PTPRT: variants seen among roughly 807,000 people sequenced by gnomAD.
PTPRT encodes receptor-type tyrosine-protein phosphatase T.
Under a neutral mutation model 176.8 loss-of-function variants are expected in PTPRT, and 56 were observed. The observed-to-expected ratio is 0.32, with a 90% CI of 0.26 to 0.40. The LOEUF (loss-of-function observed/expected upper bound fraction) is 0.40, where lower values mean the gene tolerates loss of function less well. PTPRT is among the 10% of genes least tolerant of loss of function. The pLI, the probability that PTPRT is intolerant of heterozygous loss-of-function variation, is 1.00. For synonymous variants in PTPRT, 783 were observed against 739.0 expected (o/e 1.06, Z -0.96); for missense variants, 1,540 against 1,908.2 (o/e 0.81, Z 3.60).
At chr20:42,348,713 T>C (rs915702479) in intron 11 of PTPRT, among the ~76,000 whole-genome samples, 28 of 152,188 alleles carry the variant, frequency 1.8e-4, no homozygotes, top group African/African-American at 6.8e-4. Context: ...TGCAGACCCA[T>C]CTTTTCAGGG....
intron 12 of PTPRT, among the ~76,000 whole-genome samples, chr20:42,313,787 C>T (rs946101824): frequency 2.0e-5 from 3 of 152,086 alleles, no homozygotes; most frequent in Non-Finnish European, 2.9e-5. Flanking sequence ...CTTCATGCAG[C>T]GGGAAGACCA....
At chr20:42,342,077 T>C (rs1407147927) in intron 11 of PTPRT, among the ~76,000 whole-genome samples, 1 of 152,200 alleles carries the variant, frequency 6.6e-6, no homozygotes, top group Non-Finnish European at 1.5e-5. Flanking sequence ...GTGTCACCTT[T>C]CTTCCCTTTT....
At chr20:42,725,400 A>C (rs2076364875) in intron 6 of PTPRT, among the ~76,000 whole-genome samples, 1 of 151,946 alleles carries the variant, frequency 6.6e-6, no homozygotes, top group Admixed American at 6.6e-5. Context: ...AGGCAGGGAG[A>C]TTTATCATCT....
intron 19 of PTPRT, among the ~76,000 whole-genome samples, chr20:42,127,392 G>C (rs139073502): frequency 5.9e-5 from 9 of 151,998 alleles, no homozygotes; most frequent in Admixed American, 2.0e-4. Context: ...CTGTCTGTCT[G>C]TCTCTCTCTC....
In PTPRT at chr20:43,019,052, T is replaced by C. The variant is rs151015567; in HGVS notation, c.89-133120A>G. ...CATTGTTTGAAAAAAAGCAAAATAT[T>C]TGAAATATCCTAAATGCCCTACAAT... On this transcript the variant is annotated intron_variant, in intron 1 of 30. Transcript: ENST00000373187. Among the ~76,000 whole-genome samples, 47 of 152,292 alleles carry C rather than the reference T, an allele frequency of 3.1e-4. No individual in the cohort carries two copies. In the East Asian group the frequency reaches 8.3e-3, roughly 27 times the overall value.
At chr20:42,366,549 C>A (rs1050959233) in intron 9 of PTPRT, among the ~76,000 whole-genome samples, 1 of 152,194 alleles carries the variant, frequency 6.6e-6, no homozygotes, top group Non-Finnish European at 1.5e-5. Context: ...CTTCTTCTGT[C>A]CCGTTCTTCT....
intron 7 of PTPRT, among the ~76,000 whole-genome samples, chr20:42,613,205 A>T (rs973332875): frequency 2.0e-5 from 3 of 152,218 alleles, no homozygotes; most frequent in Non-Finnish European, 4.4e-5. Context: ...TTACAGCCCA[A>T]TGGCTTTCTG....
intron 2 of PTPRT, among the ~76,000 whole-genome samples, chr20:42,857,756 C>T (rs1193777927): frequency 6.6e-6 from 1 of 152,218 alleles, no homozygotes; most frequent in African/African-American, 2.4e-5. Flanking sequence ...TACTTATTCA[C>T]AAACATGCTT....
At chr20:42,574,275 T>C (rs901846336) in intron 7 of PTPRT, among the ~76,000 whole-genome samples, 3 of 152,202 alleles carry the variant, frequency 2.0e-5, no homozygotes, top group Admixed American at 2.0e-4. Flanking sequence ...CTCTGCAGTT[T>C]GCACTATTTC....
Position 42,527,209 on chromosome 20 carries a change from T to C in PTPRT, c.1154-54647A>G, listed in dbSNP as rs558593514. Among the ~76,000 whole-genome samples the C allele has an allele frequency of 4.6e-3, 699 of 152,136 alleles. 4 individuals are homozygous for C. The highest frequency in any genetic ancestry group is 0.016 in the African/African-American group (667 of 41,530). On this transcript the variant is annotated intron_variant, in intron 7 of 30. Transcript: ENST00000373187. Reference sequence around the variant, plus strand: ...CTATCTCCTGACCTCGTGATCCGCCTGCCTCGGCCTCCCAAAGTGCTGGGA... The same window carrying C: ...CTATCTCCTGACCTCGTGATCCGCCCGCCTCGGCCTCCCAAAGTGCTGGGA...
intron 14 of PTPRT, among the ~76,000 whole-genome samples, chr20:42,242,725 C>G (rs923292781): frequency 6.6e-6 from 1 of 152,116 alleles, no homozygotes; most frequent in Admixed American, 6.5e-5. Flanking sequence ...CTAAGAAGAA[C>G]TAAGAAACTT....
intron 7 of PTPRT, chr20:42,606,731 T>C (rs1302299646): frequency 6.6e-6 from 1 of 152,230 alleles, no homozygotes; most frequent in Non-Finnish European, 1.5e-5. Flanking sequence ...TTATTTGCTC[T>C]ACATGGTCAT....
intron 1 of PTPRT, among the ~76,000 whole-genome samples, chr20:43,117,064 A>T (rs1332011078): frequency 6.6e-6 from 1 of 152,146 alleles, no homozygotes; most frequent in African/African-American, 2.4e-5. Context: ...GAACCAGCCA[A>T]TGTGTGTTTC....
At chr20:42,301,067 G>A (rs13039787) in intron 12 of PTPRT, among the ~76,000 whole-genome samples, 33,918 of 151,982 alleles carry the variant, frequency 0.22, 4,037 homozygotes, top group African/African-American at 0.28. Flanking sequence ...AAAGATGAAA[G>A]TTTGAAGAAG....
At chr20:43,183,933 G>T (rs2015327044) in intron 1 of PTPRT, among the ~76,000 whole-genome samples, 1 of 152,184 alleles carries the variant, frequency 6.6e-6, no homozygotes, top group South Asian at 2.1e-4. Flanking sequence ...TTCAGGTTTT[G>T]GCTTCTGTGA....
At chr20:42,902,590 C>T (rs767425018) in intron 1 of PTPRT, among the ~76,000 whole-genome samples, 7 of 152,134 alleles carry the variant, frequency 4.6e-5, no homozygotes, top group Non-Finnish European at 8.8e-5. Context: ...CTCAATAATC[C>T]GGAACCATTA....
intron 3 of PTPRT, among the ~76,000 whole-genome samples, chr20:42,790,424 G>A (rs897914646): frequency 1.3e-5 from 2 of 151,344 alleles, no homozygotes; most frequent in East Asian, 3.9e-4. Context: ...TTTTACCATG[G>A]TTTATAAGAG....
intron 6 of PTPRT, among the ~76,000 whole-genome samples, chr20:42,695,408 A>G (rs921171057): frequency 5.9e-5 from 9 of 152,186 alleles, no homozygotes; most frequent in African/African-American, 2.2e-4. Flanking sequence ...GCTTGATTCT[A>G]TTTCCTACCA....
chr20:42,223,199 T>C (rs2055925573), intron 15 of PTPRT, among the ~76,000 whole-genome samples: 1 of 152,132 alleles, frequency 6.6e-6, no homozygotes, highest in Admixed American at 6.5e-5. Flanking sequence ...AAACATAAAA[T>C]ATACTAATAA....
Sources: gnomAD v4.1 joint callset for allele counts (sites outside exome capture counted in the v4.1 genomes callset) on GRCh38, gnomAD v4.1.1 for gene constraint, MANE v1.5 for transcripts, NCBI Gene and HGNC (gene_info 2026-07-23, HGNC 2026-07-21) for gene names.